Variants in LARGE1 observed in about 807,000 individuals in gnomAD.
LARGE1 encodes LARGE xylosyl- and glucuronyltransferase 1, also known as xylosyl- and glucuronyltransferase LARGE1.
A neutral mutation model predicts 87.6 loss-of-function variants in LARGE1; 43 were observed. The ratio of observed to expected loss-of-function variants is 0.49; its 90% confidence interval spans 0.38 to 0.63. The LOEUF is 0.63. Among genes scored for constraint, LARGE1 ranks in the 30% least tolerant of loss-of-function variants. The pLI is 0.00. For synonymous variants in LARGE1, 434 were observed against 394.6 expected (o/e 1.10, Z -1.18); for missense variants, 802 against 1,000.2 (o/e 0.80, Z 2.67).
chr22:33,679,263 G>A (rs4820110), intron 2 of LARGE1, among the ~76,000 whole-genome samples: 76,862 of 151,940 alleles, frequency 0.51, 19,759 homozygotes, highest in African/African-American at 0.6. Context: ...CTTACAGAGC[G>A]TTATGGATTT....
chr22:33,257,216 A>G, intron 11 of LARGE1, among the ~76,000 whole-genome samples: 1 of 151,934 alleles, frequency 6.6e-6, no homozygotes, highest in African/African-American at 2.4e-5. Context: ...AAAAATAAAC[A>G]AACAACAACA....
chr22:33,304,658 CCTATAAAA>C, intron 11 of LARGE1, 151 bp from the exon 12 acceptor site: 1 of 818,084 alleles, frequency 1.2e-6, no homozygotes, highest in Non-Finnish European at 1.9e-6. Context: ...AGTTCCTTTA[CCTATAAAA>C]CAGGCATCAA....
chr22:33,383,326 G>T (rs1432705860), intron 8 of LARGE1, among the ~76,000 whole-genome samples: 1 of 152,168 alleles, frequency 6.6e-6, no homozygotes, highest in Admixed American at 6.6e-5. Flanking sequence ...TTGGGAGGCT[G>T]AGGCAGGCGG....
At chr22:33,716,525 T>C (rs1214703954) in intron 2 of LARGE1, among the ~76,000 whole-genome samples, 3 of 152,108 alleles carry the variant, frequency 2.0e-5, no homozygotes, top group Non-Finnish European at 2.9e-5. Flanking sequence ...ACCTCCTGAG[T>C]AGCTGGGACC....
At chr22:33,403,821 C>T (rs10427993) in intron 7 of LARGE1, among the ~76,000 whole-genome samples, 18,656 of 151,970 alleles carry the variant, frequency 0.12, 2,044 homozygotes, top group African/African-American at 0.3. Context: ...CCAGGCTTGT[C>T]TCGAACTCCT....
intron 2 of LARGE1, among the ~76,000 whole-genome samples, chr22:33,738,207 G>A (rs1249321735): frequency 6.6e-6 from 1 of 152,180 alleles, no homozygotes; most frequent in African/African-American, 2.4e-5. Context: ...TGCAAATAAA[G>A]CCCATTCTGG....
At chr22:33,344,262 A>T (rs951491643) in intron 9 of LARGE1, among the ~76,000 whole-genome samples, 6 of 152,044 alleles carry the variant, frequency 3.9e-5, no homozygotes, top group African/African-American at 1.4e-4. Flanking sequence ...ATTATATCTC[A>T]TTTATTTATT....
chr22:33,074,018 G>T, the LARGE1 span, among the ~76,000 whole-genome samples: 1 of 152,002 alleles, frequency 6.6e-6, no homozygotes, highest in Admixed American at 6.6e-5. Flanking sequence ...AAACTCATCC[G>T]GGCTTATTGT....
intron 2 of LARGE1, among the ~76,000 whole-genome samples, chr22:33,671,304 G>A (rs1603077312): frequency 6.6e-6 from 1 of 152,230 alleles, no homozygotes; most frequent in Non-Finnish European, 1.5e-5. Context: ...CCACACTGCT[G>A]AGTCCATACT....
chr22:33,406,975 CAG>C, intron 7 of LARGE1, among the ~76,000 whole-genome samples: 2 of 152,010 alleles, frequency 1.3e-5, no homozygotes, highest in South Asian at 4.2e-4. Flanking sequence ...ATATTTTTAG[CAG>C]AGACGGGGTT....
At chr22:33,097,359 C>T in the LARGE1 span, among the ~76,000 whole-genome samples, 1 of 152,216 alleles carries the variant, frequency 6.6e-6, no homozygotes, top group African/African-American at 2.4e-5. Flanking sequence ...CTGTCTATAT[C>T]TTGCCCTTCT....
chr22:33,200,139 G>A (rs1024520851), intron 11 of LARGE1, among the ~76,000 whole-genome samples: 6 of 151,974 alleles, frequency 3.9e-5, no homozygotes, highest in Non-Finnish European at 7.4e-5. Flanking sequence ...GAGCCACTGC[G>A]CCCAGCCGAC....
chr22:33,663,667 C>G (rs554415980), intron 2 of LARGE1, among the ~76,000 whole-genome samples: 4 of 152,146 alleles, frequency 2.6e-5, no homozygotes, highest in Non-Finnish European at 4.4e-5. Flanking sequence ...AAGAGGATAT[C>G]CTGGTTCAAG....
At position 33,451,017 on chromosome 22, in the gene LARGE1, A is replaced by G. The variant is rs1435918872; in HGVS notation, c.788-18752T>C. ...GGCTCTGTCAGCAAAGCCAGTGCAG[A>G]CGCAGCCCACTGATCTCCCTCTTGC... On this transcript the variant is annotated intron_variant, in intron 6 of 14. Coordinates refer to ENST00000397394, the MANE Select transcript of LARGE1 (RefSeq NM_133642.5). Among the ~76,000 whole-genome samples the G allele has an allele frequency of 5.3e-5, 8 of 152,192 alleles. No homozygotes were observed. In the East Asian group the frequency reaches 1.5e-3, roughly 29 times the overall value.
chr22:33,578,946 A>G (rs774329549), intron 5 of LARGE1, among the ~76,000 whole-genome samples: 1 of 152,220 alleles, frequency 6.6e-6, no homozygotes, highest in Non-Finnish European at 1.5e-5. Context: ...TGTTTCTCCA[A>G]TCTCTAAAGG....
At position 33,761,491 on chromosome 22, in the gene LARGE1, C is replaced by T; in HGVS notation, c.-15G>A. Reference sequence around the variant, plus strand: ...ATTCCCAGCATCCTCTCAGAAGTGGCAATCCCTAATCCCAGCGCCGTTTCT... The same window carrying T: ...ATTCCCAGCATCCTCTCAGAAGTGGTAATCCCTAATCCCAGCGCCGTTTCT... On this transcript the variant is annotated 5_prime_UTR_variant, in exon 2 of 15. Transcript: ENST00000397394. 1 of 1,600,724 alleles carries T rather than the reference C, an allele frequency of 6.2e-7. No homozygotes were observed. Among genetic ancestry groups the T allele is most frequent in the Non-Finnish European group, 8.6e-7 (1 of 1,167,950 alleles).
intron 2 of LARGE1, among the ~76,000 whole-genome samples, chr22:33,740,582 G>A (rs1387269703): frequency 1.3e-5 from 2 of 152,122 alleles, no homozygotes; most frequent in Non-Finnish European, 2.9e-5. Flanking sequence ...AGTATCAGAC[G>A]TACACTTGGT....
chr22:33,243,854 C>T (rs1209205187), intron 11 of LARGE1, among the ~76,000 whole-genome samples: 3 of 152,150 alleles, frequency 2.0e-5, no homozygotes, highest in South Asian at 2.1e-4. Context: ...CATTCATTGG[C>T]GTTAGGGACT....
At chr22:33,631,395 T>C (rs565077227) in intron 3 of LARGE1, among the ~76,000 whole-genome samples, 13 of 152,214 alleles carry the variant, frequency 8.5e-5, no homozygotes, top group Admixed American at 2.6e-4. Flanking sequence ...TGTACAGCTG[T>C]ATGAAAATAC....
Sources: gnomAD v4.1 joint callset for allele counts (sites outside exome capture counted in the v4.1 genomes callset) on GRCh38, gnomAD v4.1.1 for gene constraint, MANE v1.5 for transcripts, NCBI Gene and HGNC (gene_info 2026-07-23, HGNC 2026-07-21) for gene names.